VPS13C: variants seen among roughly 807,000 people sequenced by gnomAD.
VPS13C encodes vacuolar protein sorting 13 homolog C.
A neutral mutation model predicts 456.8 loss-of-function variants in VPS13C; 358 were observed. That is an observed-to-expected ratio of 0.78 (90% CI 0.72 to 0.86). The LOEUF (loss-of-function observed/expected upper bound fraction) is 0.86. VPS13C is among the 40% of genes least tolerant of loss of function. The pLI, the probability that VPS13C is intolerant of heterozygous loss-of-function variation, is 0.00. For synonymous variants in VPS13C, 1,578 were observed against 1,486.7 expected (o/e 1.06, Z -1.41); for missense variants, 4,818 against 4,385.4 (o/e 1.10, Z -2.79).
chr15:61,944,532 G>A (rs530182439), intron 45 of VPS13C, among the ~76,000 whole-genome samples: 12 of 152,194 alleles, frequency 7.9e-5, no homozygotes, highest in South Asian at 4.1e-4. Flanking sequence ...ATTAACGCAC[G>A]AACAGAAACC....
chr15:61,888,523 A>C (rs1329020866), intron 67 of VPS13C, among the ~76,000 whole-genome samples: 1 of 152,218 alleles, frequency 6.6e-6, no homozygotes, highest in African/African-American at 2.4e-5. Flanking sequence ...TCAATAATAC[A>C]AAGAAATGAG....
At chr15:62,047,736 A>G (rs2048464658) in intron 1 of VPS13C, among the ~76,000 whole-genome samples, 1 of 152,108 alleles carries the variant, frequency 6.6e-6, no homozygotes, top group Admixed American at 6.5e-5. Context: ...ACTAACAAGT[A>G]CTCTCCACTA....
intron 18 of VPS13C, among the ~76,000 whole-genome samples, chr15:61,990,206 A>G (rs2046181254): frequency 6.6e-6 from 1 of 152,176 alleles, no homozygotes; most frequent in Non-Finnish European, 1.5e-5. Context: ...GTAAAAAACA[A>G]AAAGAAATAA....
At chr15:61,972,497 T>C (rs878897565) in intron 27 of VPS13C, 128 bp downstream of exon 27, 2 of 846,714 alleles carry the variant, frequency 2.4e-6, no homozygotes, top group Admixed American at 2.5e-5. Context: ...TATGTGCATG[T>C]GTGTTGGGCA....
At chr15:62,000,922 G>T (rs1482598547) in intron 15 of VPS13C, among the ~76,000 whole-genome samples, 2 of 152,078 alleles carry the variant, frequency 1.3e-5, no homozygotes, top group African/African-American at 4.8e-5. Flanking sequence ...GAATATTTAG[G>T]AAGAGGACTT....
At chr15:61,901,050 T>C (rs928190608) in intron 66 of VPS13C, among the ~76,000 whole-genome samples, 2 of 151,948 alleles carry the variant, frequency 1.3e-5, no homozygotes, top group Non-Finnish European at 2.9e-5. Flanking sequence ...GAAAATTGGC[T>C]AGCCATATGT....
At position 61,970,941 on chromosome 15, in the gene VPS13C, C is replaced by T. The variant is rs2045530099; in HGVS notation, c.2758-1489G>A. On this transcript the variant is annotated intron_variant, in intron 27 of 84. Coordinates refer to ENST00000644861, the MANE Select transcript of VPS13C (RefSeq NM_020821.3). Reference sequence around the variant, plus strand: ...GGAAATAGCAAGCACAAAGAATGTGCTTTGGTATACAGAAGGAAAAACATA... The same window carrying T: ...GGAAATAGCAAGCACAAAGAATGTGTTTTGGTATACAGAAGGAAAAACATA... 4.0e-5 allele frequency among the ~76,000 whole-genome samples: 6 copies of T among 150,812 alleles called. 1 individual carries two copies. The South Asian group carries it at 1.3e-3, about 32-fold the overall frequency.
Position 61,882,532 on chromosome 15 carries a change from A to G in VPS13C, c.9624+64T>C, listed in dbSNP as rs1352948861. On this transcript the variant is annotated intron_variant, in intron 69 of 84. Coordinates refer to ENST00000644861, the MANE Select transcript of VPS13C (RefSeq NM_020821.3). ...AATGTAAACTATATAGTTGTAAAAA[A>G]GAAATTTCATTCCCAAGATTCCCAA... is the stretch of plus-strand genomic sequence containing the variant. The G allele has an allele frequency of 1.6e-5, 23 of 1,397,286 alleles. No homozygotes were observed. The South Asian group carries it at 4.2e-4, about 25-fold the overall frequency. The allele number at this position is 1,397,286 out of a possible 1,614,324, so 86.6% of individuals were successfully genotyped here.
At chr15:61,959,390 A>C (rs2045116964) in intron 36 of VPS13C, 58 bp downstream of exon 36, 1 of 1,441,904 alleles carries the variant, frequency 6.9e-7, no homozygotes, top group Non-Finnish European at 9.3e-7. Context: ...ATTTCTGCTA[A>C]AAGTCTTTGG....
chr15:61,897,255 T>G (rs1350534931), intron 66 of VPS13C, among the ~76,000 whole-genome samples: 2 of 152,214 alleles, frequency 1.3e-5, no homozygotes, highest in East Asian at 3.8e-4. Flanking sequence ...GGATGGAGAA[T>G]GACTTTGATG....
chr15:61,896,386 G>A (rs1442252643), intron 66 of VPS13C, among the ~76,000 whole-genome samples: 3 of 152,182 alleles, frequency 2.0e-5, no homozygotes, highest in Non-Finnish European at 4.4e-5. Flanking sequence ...ACAGGTCAGT[G>A]GGTGCACGCA....
At chr15:61,990,470 T>TA (rs2046190165) in intron 18 of VPS13C, among the ~76,000 whole-genome samples, 1 of 152,208 alleles carries the variant, frequency 6.6e-6, no homozygotes. Flanking sequence ...AGCACTATAA[T>TA]AAGTACTTTT....
intron 66 of VPS13C, among the ~76,000 whole-genome samples, chr15:61,902,109 T>G (rs1390394611): frequency 2.1e-5 from 2 of 94,738 alleles, no homozygotes; most frequent in Non-Finnish European, 2.0e-5. Flanking sequence ...CTGGGGACTG[T>G]TGTGGGGTGG....
At chr15:61,882,523 T>C (rs1275491048) in intron 69 of VPS13C, 73 bp downstream of exon 69, 22 of 1,362,092 alleles carry the variant, frequency 1.6e-5, no homozygotes, top group South Asian at 6.2e-5. Context: ...AACTATATAG[T>C]TGTAAAAAAG....
intron 82 of VPS13C, among the ~76,000 whole-genome samples, chr15:61,863,182 G>A (rs575506150): frequency 6.6e-6 from 1 of 152,110 alleles, no homozygotes; most frequent in Non-Finnish European, 1.5e-5. Context: ...CATTCTCTCA[G>A]TGGTTGTGTA....
chr15:61,963,030 AAATTCATTAAAC>A (rs1259657122), intron 32 of VPS13C, among the ~76,000 whole-genome samples, 178 bp from the exon 33 acceptor site: 1 of 152,170 alleles, frequency 6.6e-6, no homozygotes, highest in East Asian at 1.9e-4. Flanking sequence ...CAAAACCTAT[AAATTCATTAAAC>A]AATGATTATG....
chr15:61,951,756 A>C, intron 39 of VPS13C, 68 bp downstream of exon 39: 3 of 1,449,916 alleles, frequency 2.1e-6, no homozygotes, highest in Non-Finnish European at 2.8e-6. Context: ...CAATATGTTT[A>C]ATGTTGATAA....
chr15:61,969,242 A>T (rs1409429491), intron 28 of VPS13C, 57 bp downstream of exon 28: 2 of 1,249,114 alleles, frequency 1.6e-6, no homozygotes, highest in African/African-American at 1.5e-5. Flanking sequence ...AGTGTTTCAG[A>T]TACTCAAAAG....
At chr15:61,966,206 A>G in intron 29 of VPS13C, 64 bp from the exon 30 acceptor site, 1 of 1,125,218 alleles carries the variant, frequency 8.9e-7, no homozygotes. Flanking sequence ...TCACTTATTT[A>G]TTATCTCTGG....
Sources: allele counts gnomAD v4.1 joint callset (sites outside exome capture counted in the v4.1 genomes callset), GRCh38; gene constraint gnomAD v4.1.1; transcripts MANE v1.5; gene names NCBI Gene and HGNC (gene_info 2026-07-23, HGNC 2026-07-21).